ATP8A2: variants seen among roughly 807,000 people sequenced by gnomAD.
The protein encoded by ATP8A2 is phospholipid-transporting ATPase IB.
In ATP8A2, 100 loss-of-function variants were observed where a neutral mutation model predicts 165.6. The observed-to-expected ratio is 0.60, with a 90% CI of 0.51 to 0.71. The LOEUF (loss-of-function observed/expected upper bound fraction) is 0.71. Ranked by LOEUF, ATP8A2 falls within the 30% of genes least tolerant of loss-of-function variation. The pLI is 0.00. For missense variants in ATP8A2, 1,227 were observed against 1,479.5 expected, an observed-to-expected ratio of 0.83 and a Z score of 2.80; for synonymous variants, 543 against 548.8, an observed-to-expected ratio of 0.99 and a Z score of 0.15.
intron 33 of ATP8A2, chr13:25,927,215 G>A (rs958305168): frequency 1.3e-5 from 6 of 456,506 alleles, no homozygotes; most frequent in South Asian, 6.2e-5. Flanking sequence ...ACTCCTCCTC[G>A]GCTGCTCCAC....
At chr13:25,913,472 A>G (rs1187801960) in intron 33 of ATP8A2, among the ~76,000 whole-genome samples, 3 of 152,190 alleles carry the variant, frequency 2.0e-5, no homozygotes, top group Non-Finnish European at 4.4e-5. Context: ...CATGTCTGCC[A>G]TGGAAGGAGA....
At position 25,372,160 on chromosome 13, in the gene ATP8A2, G is replaced by GAGA; in HGVS notation, c.-53_-52insAGA. ...GGCGGCGGCCCCTGCGCCCAGCCCT[G>GAGA]CGCGTAGCCTCCGTCTCTCGCCCGG... On this transcript the variant is annotated 5_prime_UTR_variant, in exon 1 of 37. Transcript: ENST00000381655. The surrounding 1 kb of genome is among the most constrained non-coding windows in gnomAD (Gnocchi z 4.8). 7.6e-7 allele frequency: 1 copy of GAGA among 1,323,740 alleles called. No individual in the cohort carries two copies. Among genetic ancestry groups the GAGA allele is most frequent in the African/African-American group, 1.5e-5 (1 of 65,342 alleles). 82.0% of individuals were successfully genotyped at this position (1,323,740 alleles called of 1,614,324 possible).
In ATP8A2 at chr13:25,587,569, G is replaced by A. The variant is rs2039958727; in HGVS notation, c.2147-2066G>A. 2.0e-5 allele frequency among the ~76,000 whole-genome samples: 3 copies of A among 152,224 alleles called. No individual in the cohort carries two copies. In the South Asian group the frequency reaches 6.2e-4, roughly 32 times the overall value. ...TTAAAAATTACAGCCAGCTTCTGCA[G>A]CTGTTGTTGAAGTAAAAAACTACCA... is the stretch of plus-strand genomic sequence containing the variant. On this transcript the variant is annotated intron_variant, in intron 23 of 36. Transcript: ENST00000381655.
chr13:25,441,715 T>C (rs1279055167), intron 1 of ATP8A2, among the ~76,000 whole-genome samples: 1 of 147,676 alleles, frequency 6.8e-6, no homozygotes, highest in South Asian at 2.1e-4. Context: ...AGAATTAGAC[T>C]GTTTGCCTTT....
At chr13:25,439,021 G>A (rs1284065251) in intron 1 of ATP8A2, among the ~76,000 whole-genome samples, 1 of 152,198 alleles carries the variant, frequency 6.6e-6, no homozygotes, top group Non-Finnish European at 1.5e-5. Flanking sequence ...GTGTCCATTA[G>A]AGGAGATAAA....
chr13:25,772,566 C>T (rs1007527267), intron 26 of ATP8A2, among the ~76,000 whole-genome samples: 2 of 151,970 alleles, frequency 1.3e-5, no homozygotes, highest in African/African-American at 4.8e-5. Context: ...CCGCGCCTTC[C>T]CCTCACCTCC....
At chr13:25,946,642 T>G (rs774090096) in intron 33 of ATP8A2, among the ~76,000 whole-genome samples, 4 of 152,230 alleles carry the variant, frequency 2.6e-5, no homozygotes, top group Non-Finnish European at 5.9e-5. Flanking sequence ...GAGGCCCGAG[T>G]ATGTATCCTG....
Position 25,509,850 on chromosome 13 carries a change from G to T in ATP8A2, c.222-20149G>T, listed in dbSNP as rs1593426794. Among the ~76,000 whole-genome samples the T allele has an allele frequency of 3.9e-5, 6 of 152,242 alleles. 1 individual carries two copies. The highest frequency in any genetic ancestry group is 3.9e-4 in the Admixed American group (6 of 15,286). ...TAAATGGATATAAGTGAATATGCAAGAACCAAATGCAATAAGGCTATTACA... is the reference window on the plus strand; with the variant it reads ...TAAATGGATATAAGTGAATATGCAATAACCAAATGCAATAAGGCTATTACA... On this transcript the variant is annotated intron_variant, in intron 2 of 36. Coordinates refer to ENST00000381655, the MANE Select transcript of ATP8A2 (RefSeq NM_016529.6).
At chr13:25,470,239 T>G (rs1167860919) in intron 2 of ATP8A2, among the ~76,000 whole-genome samples, 1 of 152,214 alleles carries the variant, frequency 6.6e-6, no homozygotes, top group African/African-American at 2.4e-5. Flanking sequence ...AAAGGAGTGT[T>G]AGATTATGCA....
chr13:25,964,710 G>C (rs1047831996), intron 34 of ATP8A2, among the ~76,000 whole-genome samples: 5 of 152,194 alleles, frequency 3.3e-5, no homozygotes, highest in Admixed American at 3.3e-4. Context: ...TTGAGAGTGG[G>C]CACAGGGGCA....
chr13:25,553,967 A>G (rs1312227928), intron 12 of ATP8A2, 47 bp downstream of exon 12: 3 of 1,579,774 alleles, frequency 1.9e-6, no homozygotes, highest in Non-Finnish European at 2.6e-6. Flanking sequence ...ATGCTATTTC[A>G]GAGCCTTTGG....
At chr13:25,509,370 A>G (rs1241028967) in intron 2 of ATP8A2, among the ~76,000 whole-genome samples, 1 of 152,214 alleles carries the variant, frequency 6.6e-6, no homozygotes, top group African/African-American at 2.4e-5. Context: ...TAATTGATCA[A>G]TTATTGCTAG....
At chr13:25,906,189 G>A (rs958052518) in intron 33 of ATP8A2, among the ~76,000 whole-genome samples, 1 of 151,746 alleles carries the variant, frequency 6.6e-6, no homozygotes, top group Non-Finnish European at 1.5e-5. Context: ...GATCATCTCT[G>A]TATTCCTCCC....
chr13:25,479,158 T>C (rs2036083989), intron 2 of ATP8A2, among the ~76,000 whole-genome samples: 1 of 152,214 alleles, frequency 6.6e-6, no homozygotes, highest in South Asian at 2.1e-4. Flanking sequence ...TAAAATTCTT[T>C]AGCATGAACC....
In ATP8A2 at chr13:25,916,524, G is replaced by A. The variant is rs578068612; in HGVS notation, c.3184-45051G>A. On this transcript the variant is annotated intron_variant, in intron 33 of 36. Transcript: ENST00000381655. Reference sequence around the variant, plus strand: ...AGCCTCACCCTTCTGTCACCAGCCCGCTGCAGAATCTTGTCGATTGCACTG... The same window carrying A: ...AGCCTCACCCTTCTGTCACCAGCCCACTGCAGAATCTTGTCGATTGCACTG... 1.8e-4 allele frequency among the ~76,000 whole-genome samples: 27 copies of A among 152,294 alleles called. 1 individual carries two copies. In the South Asian group the frequency reaches 2.3e-3, roughly 13 times the overall value.
intron 24 of ATP8A2, among the ~76,000 whole-genome samples, chr13:25,668,326 C>T (rs1300211375): frequency 1.3e-5 from 2 of 151,438 alleles, no homozygotes; most frequent in African/African-American, 2.4e-5. Flanking sequence ...TTTTTTCTTT[C>T]AGCTTTTTAA....
intron 1 of ATP8A2, among the ~76,000 whole-genome samples, chr13:25,462,932 C>T (rs369432044): frequency 1.8e-4 from 27 of 152,200 alleles, no homozygotes; most frequent in Admixed American, 1.2e-3. Flanking sequence ...GTGTCCAAGC[C>T]GGGTCTGACT....
At chr13:25,483,945 G>A (rs145485679) in intron 2 of ATP8A2, among the ~76,000 whole-genome samples, 20 of 152,288 alleles carry the variant, frequency 1.3e-4, no homozygotes, top group African/African-American at 2.4e-4. Flanking sequence ...GTGGACTTGC[G>A]TATTACTCTG....
rs572714289 is a variant in ATP8A2, at chr13:25,463,407, T to C, written c.77-5570T>C. On this transcript the variant is annotated intron_variant, in intron 1 of 36. Coordinates refer to ENST00000381655, the MANE Select transcript of ATP8A2 (RefSeq NM_016529.6). ...TATGTATGTTACATAAAAGTTATCATAAATAAACTAATATATACATACATA... is the reference window on the plus strand; with the variant it reads ...TATGTATGTTACATAAAAGTTATCACAAATAAACTAATATATACATACATA... 5.9e-5 allele frequency among the ~76,000 whole-genome samples: 9 copies of C among 152,134 alleles called. No individual in the cohort carries two copies. The South Asian group carries it at 1.9e-3, about 32-fold the overall frequency.
Sources: gnomAD v4.1 joint callset for allele counts (sites outside exome capture counted in the v4.1 genomes callset) on GRCh38, gnomAD v4.1.1 for gene constraint, Gnocchi (gnomAD v3.1) non-coding constraint, MANE v1.5 for transcripts, NCBI Gene and HGNC (gene_info 2026-07-23, HGNC 2026-07-21) for gene names.